ZNF143: variants seen among roughly 807,000 people sequenced by gnomAD.
ZNF143 encodes the protein SPH-binding factor.
In ZNF143, 49 loss-of-function variants were observed where a neutral mutation model predicts 74.1. The observed-to-expected ratio is 0.66, with a 90% confidence interval of 0.53 to 0.84. ZNF143 has a LOEUF of 0.84. Among genes scored for constraint, ZNF143 ranks in the 40% least tolerant of loss-of-function variants. The probability of loss-of-function intolerance (pLI) is 0.00; values close to 1 mark genes in which losing one functional copy is unlikely to be tolerated. For synonymous variants in ZNF143, 304 were observed against 282.8 expected, an observed-to-expected ratio of 1.07 and a Z score of -0.75; for missense variants, 637 against 793.4, an observed-to-expected ratio of 0.80 and a Z score of 2.37.
At chr11:9,511,869 A>G (rs1436096653) in intron 12 of ZNF143, among the ~76,000 whole-genome samples, 2 of 147,480 alleles carry the variant, frequency 1.4e-5, no homozygotes, top group Non-Finnish European at 3.0e-5. Context: ...CTCCTGCCTC[A>G]GCCTCCCGAG....
At chr11:9,471,492 C>T in intron 2 of ZNF143, 72 bp downstream of exon 2, 1 of 1,114,804 alleles carries the variant, frequency 9.0e-7, no homozygotes. Context: ...TTTACAACTT[C>T]CTAGTTCCTG....
chr11:9,479,461 TA>T lies in ZNF143; in HGVS notation c.571-10del, dbSNP rs1406500111. ...TGTAAAACATTTTAAAGCTTTATTT[TA>T]TTCCTATAGGTGTCCATTGATGGAA... On this transcript the variant is annotated splice_polypyrimidine_tract_variant and intron_variant, in intron 6 of 15. Coordinates refer to ENST00000396602, the MANE Select transcript of ZNF143 (RefSeq NM_003442.6). 1 of 1,605,330 alleles carries T rather than the reference TA, an allele frequency of 6.2e-7. No individual in the cohort carries two copies. The highest frequency in any genetic ancestry group is 1.7e-5 in the Admixed American group (1 of 58,452).
chr11:9,508,480 G>T (rs1848436341), intron 11 of ZNF143, 139 bp from the exon 12 acceptor site: 1 of 717,676 alleles, frequency 1.4e-6, no homozygotes, highest in Admixed American at 2.8e-5. Flanking sequence ...ATCTTTTCTT[G>T]TGTGCTGCCT....
intron 14 of ZNF143, among the ~76,000 whole-genome samples, chr11:9,519,802 A>G (rs998544259): frequency 3.9e-5 from 6 of 152,164 alleles, no homozygotes; most frequent in Admixed American, 2.6e-4. Context: ...GTACCAAACA[A>G]TTCTCCAAAG....
intron 7 of ZNF143, among the ~76,000 whole-genome samples, chr11:9,489,436 A>G (rs778310044): frequency 1.2e-4 from 19 of 152,290 alleles, no homozygotes; most frequent in Admixed American, 9.8e-4. Flanking sequence ...AGTCTCCACT[A>G]TAGACATTAA....
intron 12 of ZNF143, among the ~76,000 whole-genome samples, chr11:9,511,608 T>C (rs577674660): frequency 1.3e-4 from 19 of 151,790 alleles, no homozygotes; most frequent in East Asian, 1.2e-3. Context: ...GGCCTTGGTT[T>C]TGTATTTTTA....
Position 9,476,436 on chromosome 11 carries a change from G to A in ZNF143, c.373+1803G>A, listed in dbSNP as rs888982218. ...TTGCCAGGCTGGAGTGCAGGGACAC[G>A]ATCTTGGCTCACTGCAACCTCCGCC... On this transcript the variant is annotated intron_variant, in intron 5 of 15. Transcript: ENST00000396602. Among the ~76,000 whole-genome samples, 6 of 151,942 alleles carry A rather than the reference G, an allele frequency of 3.9e-5. No homozygotes were observed. The East Asian group carries it at 1.2e-3, about 29-fold the overall frequency.
chr11:9,499,716 T>TA (rs1848089251), intron 10 of ZNF143, among the ~76,000 whole-genome samples: 1 of 152,164 alleles, frequency 6.6e-6, no homozygotes. Context: ...ACTCATCTCT[T>TA]AAAAAATTTA....
At chr11:9,503,878 C>T (rs537887766) in intron 11 of ZNF143, among the ~76,000 whole-genome samples, 32 of 147,898 alleles carry the variant, frequency 2.2e-4, no homozygotes, top group African/African-American at 7.5e-4. Context: ...TCTCAAACTT[C>T]TGACCTCAGG....
chr11:9,486,387 A>ATATAATT (rs1491455973), intron 7 of ZNF143, among the ~76,000 whole-genome samples: 2 of 18,002 alleles, frequency 1.1e-4, no homozygotes, highest in Non-Finnish European at 2.1e-4. Context: ...TTATATATAT[A>ATATAATT]ATATATATAA....
intron 7 of ZNF143, among the ~76,000 whole-genome samples, chr11:9,485,967 A>G (rs976884435): frequency 6.6e-6 from 1 of 151,294 alleles, no homozygotes; most frequent in African/African-American, 2.5e-5. Context: ...AAGCTCTGCC[A>G]GTTAGGTTCC....
At chr11:9,473,487 C>T (rs1372042979) in intron 3 of ZNF143, among the ~76,000 whole-genome samples, 2 of 151,842 alleles carry the variant, frequency 1.3e-5, no homozygotes, top group Non-Finnish European at 2.9e-5. Flanking sequence ...TCCTCAAAAA[C>T]TCTTTGTTTC....
intron 11 of ZNF143, among the ~76,000 whole-genome samples, chr11:9,501,492 T>G (rs1848156627): frequency 1.3e-5 from 2 of 152,184 alleles, no homozygotes; most frequent in African/African-American, 2.4e-5. Context: ...CATAGAGAGA[T>G]AAGACATTGT....
intron 5 of ZNF143, 121 bp from the exon 6 acceptor site, chr11:9,478,269 G>C: frequency 2.2e-6 from 2 of 915,106 alleles, no homozygotes; most frequent in Admixed American, 4.9e-5. Flanking sequence ...CACATATCAA[G>C]TGCGTGGTCC....
chr11:9,462,554 T>TC (rs1346742329), intron 1 of ZNF143, among the ~76,000 whole-genome samples: 1 of 129,270 alleles, frequency 7.7e-6, no homozygotes, highest in East Asian at 2.2e-4. Context: ...CAGAGACCGG[T>TC]CTCGAAAAAA....
chr11:9,481,153 T>C (rs75158947), intron 7 of ZNF143, among the ~76,000 whole-genome samples: 7,663 of 152,184 alleles, frequency 0.05, 265 homozygotes, highest in South Asian at 0.075. Flanking sequence ...TTTGAGAGGC[T>C]GAGGTGGGAA....
chr11:9,491,476 A>G (rs1402770498), intron 7 of ZNF143, among the ~76,000 whole-genome samples: 1 of 151,998 alleles, frequency 6.6e-6, no homozygotes. Context: ...CTCTACTAAA[A>G]ACACACAAAA....
At chr11:9,492,220 C>G (rs1317638524) in intron 7 of ZNF143, among the ~76,000 whole-genome samples, 1 of 150,530 alleles carries the variant, frequency 6.6e-6, no homozygotes, top group Non-Finnish European at 1.5e-5. Flanking sequence ...AAGCAATTCT[C>G]CTGCCGCAGC....
chr11:9,480,367 C>G (rs907649561), intron 7 of ZNF143, among the ~76,000 whole-genome samples: 8 of 152,044 alleles, frequency 5.3e-5, no homozygotes, highest in Non-Finnish European at 1.2e-4. Flanking sequence ...GCAATTTTCT[C>G]TAATATTTTG....
Sources: allele counts gnomAD v4.1 joint callset (sites outside exome capture counted in the v4.1 genomes callset), GRCh38; gene constraint gnomAD v4.1.1; transcripts MANE v1.5; gene names NCBI Gene and HGNC (gene_info 2026-07-23, HGNC 2026-07-21).